The following UNC5C variants were observed in gnomAD, a reference collection of about 807,000 sequenced individuals.
UNC5C encodes the protein unc-5 netrin receptor C, also known as netrin receptor UNC5C.
UNC5C carries 47 observed loss-of-function variants against 99.8 expected under a neutral mutation model. The ratio of observed to expected loss-of-function variants is 0.47; its 90% confidence interval spans 0.37 to 0.60. UNC5C has a LOEUF of 0.60. UNC5C is among the 20% of genes least tolerant of loss of function. UNC5C has a pLI of 0.00. For synonymous variants in UNC5C, 487 were observed against 452.2 expected (o/e 1.08, Z -0.98); for missense variants, 1,062 against 1,165.9 (o/e 0.91, Z 1.30).
intron 3 of UNC5C, among the ~76,000 whole-genome samples, chr4:95,282,588 T>C (rs1029809533): frequency 5.3e-5 from 8 of 152,230 alleles, no homozygotes; most frequent in Non-Finnish European, 1.0e-4. Context: ...TCCATTTTTA[T>C]GCTTCCGTTC....
chr4:95,291,104 T>A (rs996037296), intron 3 of UNC5C, among the ~76,000 whole-genome samples: 8 of 151,898 alleles, frequency 5.3e-5, no homozygotes, highest in South Asian at 2.1e-4. Flanking sequence ...AAGAGTTTTT[T>A]AAAAAAATAA....
intron 1 of UNC5C, among the ~76,000 whole-genome samples, chr4:95,343,575 C>G (rs2865446): frequency 0.4 from 60,606 of 151,764 alleles, 13,745 homozygotes; most frequent in East Asian, 0.83. Context: ...AAAACATGAC[C>G]ATGCCGAGAA....
At chr4:95,358,945 T>C (rs1406264927) in intron 1 of UNC5C, among the ~76,000 whole-genome samples, 1 of 152,196 alleles carries the variant, frequency 6.6e-6, no homozygotes, top group Non-Finnish European at 1.5e-5. Flanking sequence ...AGTCTGCAGA[T>C]AAATAAAAAG....
At chr4:95,448,567 A>G (rs1433677847) in intron 1 of UNC5C, among the ~76,000 whole-genome samples, 2 of 152,192 alleles carry the variant, frequency 1.3e-5, no homozygotes, top group Non-Finnish European at 2.9e-5. Context: ...AATCCTGGGA[A>G]AAGCAGCTTT....
intron 1 of UNC5C, among the ~76,000 whole-genome samples, chr4:95,502,414 GCACACCAC>G (rs1417838068): frequency 3.3e-5 from 5 of 152,176 alleles, no homozygotes; most frequent in Middle Eastern, 3.4e-3. Context: ...GACAACAGTT[GCACACCAC>G]CATGCCCAGC....
chr4:95,371,559 C>T (rs554577385), intron 1 of UNC5C, among the ~76,000 whole-genome samples: 1 of 152,030 alleles, frequency 6.6e-6, no homozygotes, highest in African/African-American at 2.4e-5. Flanking sequence ...CTATTTAGTA[C>T]CTGTGTGAAT....
At chr4:95,442,519 ATGGAGTCG>A (rs1373746059) in intron 1 of UNC5C, among the ~76,000 whole-genome samples, 1 of 150,576 alleles carries the variant, frequency 6.6e-6, no homozygotes, top group Non-Finnish European at 1.5e-5. Context: ...TTTTTTAGAG[ATGGAGTCG>A]TGCTATGTTG....
Position 95,413,459 on chromosome 4 carries a change from G to A in UNC5C, c.125-77828C>T, listed in dbSNP as rs1746061367. Among the ~76,000 whole-genome samples the A allele has an allele frequency of 1.3e-5, 2 of 152,052 alleles. 1 individual carries two copies. The highest frequency in any genetic ancestry group is 4.1e-4 in the South Asian group (2 of 4,832). On this transcript the variant is annotated intron_variant, in intron 1 of 15. Transcript: ENST00000453304. ...CCCTTTCAGAATTGCCATTCATCAA[G>A]CTCATCATCCAGGCATCATCTAACA...
intron 1 of UNC5C, among the ~76,000 whole-genome samples, chr4:95,397,548 C>A (rs560571300): frequency 1.3e-5 from 2 of 152,172 alleles, no homozygotes; most frequent in Admixed American, 1.3e-4. Context: ...TAATTTTTTA[C>A]GTACATCCTA....
At chr4:95,350,621 A>C (rs968146766) in intron 1 of UNC5C, among the ~76,000 whole-genome samples, 2 of 152,194 alleles carry the variant, frequency 1.3e-5, no homozygotes, top group African/African-American at 4.8e-5. Flanking sequence ...AAATTCAATA[A>C]TTATTGACAG....
At chr4:95,400,884 G>C (rs1406636508) in intron 1 of UNC5C, among the ~76,000 whole-genome samples, 1 of 152,194 alleles carries the variant, frequency 6.6e-6, no homozygotes, top group Non-Finnish European at 1.5e-5. Flanking sequence ...ATAAATGGAT[G>C]TTTTCAGCTG....
At chr4:95,513,925 T>A in intron 1 of UNC5C, among the ~76,000 whole-genome samples, 1 of 152,220 alleles carries the variant, frequency 6.6e-6, no homozygotes, top group East Asian at 1.9e-4. Context: ...AACTTTCTTT[T>A]AAACTTTAAA....
At chr4:95,252,137 G>T (rs563872034) in intron 4 of UNC5C, among the ~76,000 whole-genome samples, 8 of 152,080 alleles carry the variant, frequency 5.3e-5, no homozygotes, top group Non-Finnish European at 8.8e-5. Flanking sequence ...CACTTGACCT[G>T]GATTTTCTCA....
At chr4:95,279,630 C>A (rs1740983174) in intron 3 of UNC5C, among the ~76,000 whole-genome samples, 1 of 152,136 alleles carries the variant, frequency 6.6e-6, no homozygotes, top group African/African-American at 2.4e-5. Flanking sequence ...ATGTACAGTT[C>A]AGTTCCTTCC....
chr4:95,271,276 G>A (rs1740652841), intron 4 of UNC5C, among the ~76,000 whole-genome samples: 1 of 151,240 alleles, frequency 6.6e-6, no homozygotes, highest in Middle Eastern at 3.5e-3. Context: ...CGCCCAGGCT[G>A]GAGTGCAGTG....
At chr4:95,216,255 C>A in intron 9 of UNC5C, 44 bp from the exon 10 acceptor site, 1 of 1,495,380 alleles carries the variant, frequency 6.7e-7, no homozygotes, top group Non-Finnish European at 9.2e-7. Context: ...ACTTTTGCAG[C>A]ACGTAAAAGG....
intron 4 of UNC5C, among the ~76,000 whole-genome samples, chr4:95,269,649 C>T (rs1252444699): frequency 6.6e-6 from 1 of 151,900 alleles, no homozygotes; most frequent in Non-Finnish European, 1.5e-5. Context: ...AGATTCTAAG[C>T]TCCTAGATCG....
At chr4:95,494,806 A>G (rs552658752) in intron 1 of UNC5C, among the ~76,000 whole-genome samples, 1 of 151,534 alleles carries the variant, frequency 6.6e-6, no homozygotes, top group South Asian at 2.1e-4. Context: ...TAAAGTTGCA[A>G]CTTACTATGA....
chr4:95,262,385 C>T (rs1176532820), intron 4 of UNC5C, among the ~76,000 whole-genome samples: 1 of 152,160 alleles, frequency 6.6e-6, no homozygotes, highest in African/African-American at 2.4e-5. Context: ...CGTATTTCTA[C>T]TTACTTATGT....
Sources: gnomAD v4.1 joint callset for allele counts (sites outside exome capture counted in the v4.1 genomes callset) on GRCh38, gnomAD v4.1.1 for gene constraint, MANE v1.5 for transcripts, NCBI Gene and HGNC (gene_info 2026-07-23, HGNC 2026-07-21) for gene names.